Variants in DSCC1 observed in about 807,000 individuals in gnomAD.
DSCC1 encodes the protein DNA replication and sister chromatid cohesion 1.
DSCC1 carries 32 observed loss-of-function variants against 48.2 expected under a neutral mutation model. The ratio of observed to expected loss-of-function variants is 0.66; its 90% CI spans 0.50 to 0.89. The LOEUF (loss-of-function observed/expected upper bound fraction) is 0.89, where lower values mean the gene tolerates loss of function less well. DSCC1 is among the 40% of genes least tolerant of loss of function. The pLI, the probability that DSCC1 is intolerant of heterozygous loss-of-function variation, is 0.00. For synonymous variants in DSCC1, 150 were observed against 171.5 expected, an observed-to-expected ratio of 0.87 and a Z score of 0.98; for missense variants, 421 against 471.7, an observed-to-expected ratio of 0.89 and a Z score of 1.00.
intron 3 of DSCC1, among the ~76,000 whole-genome samples, chr8:119,848,570 A>C (rs2131306732): frequency 6.6e-6 from 1 of 152,364 alleles, no homozygotes; most frequent in Middle Eastern, 3.4e-3. Context: ...GCAGCTTGAA[A>C]GCTTCTACAG....
rs762051075 is a variant in DSCC1 at position 119,841,805 on chromosome 8, C to A, written c.913G>T (p.Asp305Tyr). Residue 305 changes from aspartate to tyrosine, a missense_variant, in exon 7 of 9, where the codon GAT (aspartate) becomes TAT (tyrosine). Asp to Tyr is a radical substitution (Grantham distance 160). Coordinates refer to ENST00000313655, the MANE Select transcript of DSCC1 (RefSeq NM_024094.3). ...SVPEGMVTSL[D>Y]QLKGLALVDR... The stretch of plus-strand genomic sequence containing the variant: ...TCTATTGCTATTACCTTAAGCTGAT[C>A]AAGACTAGTTACCATTCCTTCAGGA... The A allele has an allele frequency of 2.5e-6, 4 of 1,613,692 alleles. No homozygotes were observed. The highest frequency in any genetic ancestry group is 2.5e-6 in the Non-Finnish European group (3 of 1,179,936).
chr8:119,842,982 T>A, intron 5 of DSCC1, among the ~76,000 whole-genome samples, 154 bp from the exon 6 acceptor site: 1 of 152,296 alleles, frequency 6.6e-6, no homozygotes, highest in Middle Eastern at 3.4e-3. Flanking sequence ...AATTAGGAAC[T>A]AAGTAAAATA....
At chr8:119,847,719 G>A (rs1356640784) in intron 3 of DSCC1, among the ~76,000 whole-genome samples, 8 of 147,416 alleles carry the variant, frequency 5.4e-5, no homozygotes, top group Non-Finnish European at 5.9e-5. Flanking sequence ...AGGCTAGAGT[G>A]CAATGGTGCG....
intron 8 of DSCC1, 105 bp from the exon 9 acceptor site, chr8:119,835,106 A>T: frequency 1.3e-6 from 1 of 763,448 alleles, no homozygotes; most frequent in East Asian, 2.9e-5. Flanking sequence ...CTGTCTTCTC[A>T]ACAAGCGTAA....
rs1349554276 is a variant in DSCC1 at position 119,853,131 on chromosome 8, G to C, written c.267C>G (p.Ser89=). 3 of 1,613,956 alleles carry C rather than the reference G, an allele frequency of 1.9e-6. No individual in the cohort carries two copies. The highest frequency in any genetic ancestry group is 2.2e-5 in the South Asian group (2 of 91,076). The change falls in exon 2 of 9, where the codon TCC becomes TCG. Residue 89 remains serine (S), a synonymous_variant. Transcript: ENST00000313655. The part of the protein sequence containing the change: ...KTYDLKIADT[S]NMLLFIPGCK... ...AACCAGGAATGAAAAGCAACATATT[G>C]GAAGTGTCTGCTATCTTCAAGTCGT...
chr8:119,848,858 G>A (rs1826900187), intron 3 of DSCC1, among the ~76,000 whole-genome samples: 1 of 152,118 alleles, frequency 6.6e-6, no homozygotes, highest in Admixed American at 6.5e-5. Context: ...GGGAGGCTGA[G>A]GTGGGCAGAT....
chr8:119,854,040 T>C (rs923164340), intron 1 of DSCC1, among the ~76,000 whole-genome samples: 1 of 152,018 alleles, frequency 6.6e-6, no homozygotes, highest in Non-Finnish European at 1.5e-5. Context: ...CAAGACCCCA[T>C]CACTACAAAA....
At chr8:119,839,931 C>T (rs538856740) in intron 7 of DSCC1, 1 of 152,328 alleles carries the variant, frequency 6.6e-6, no homozygotes, top group East Asian at 1.9e-4. Flanking sequence ...GGCTAAGCCC[C>T]TTTTCTTTGT....
At chr8:119,854,579 G>A (rs918984776) in intron 1 of DSCC1, among the ~76,000 whole-genome samples, 3 of 152,152 alleles carry the variant, frequency 2.0e-5, no homozygotes, top group Admixed American at 2.0e-4. Flanking sequence ...GAAATATTTT[G>A]TTTATACCAT....
chr8:119,844,667 G>C (rs1826825548), intron 4 of DSCC1, among the ~76,000 whole-genome samples: 1 of 151,480 alleles, frequency 6.6e-6, no homozygotes, highest in East Asian at 1.9e-4. Context: ...TCCTGCCTCA[G>C]CCTCCAGAGT....
At chr8:119,837,214 G>C (rs571706287) in intron 8 of DSCC1, among the ~76,000 whole-genome samples, 3 of 152,188 alleles carry the variant, frequency 2.0e-5, no homozygotes, top group Non-Finnish European at 2.9e-5. Flanking sequence ...ATCCAGAAGA[G>C]GGAGACATTA....
At chr8:119,840,939 G>T (rs915840662) in intron 7 of DSCC1, among the ~76,000 whole-genome samples, 5 of 151,438 alleles carry the variant, frequency 3.3e-5, no homozygotes, top group African/African-American at 4.8e-5. Flanking sequence ...TAAATAAAAT[G>T]ATTTAAGCAG....
chr8:119,837,738 G>A (rs1826707207), intron 8 of DSCC1, among the ~76,000 whole-genome samples: 1 of 152,196 alleles, frequency 6.6e-6, no homozygotes, highest in African/African-American at 2.4e-5. Context: ...TAGACAGTAA[G>A]AGCTAAGAAG....
At chr8:119,847,449 A>G (rs1388413268) in intron 3 of DSCC1, among the ~76,000 whole-genome samples, 1 of 152,226 alleles carries the variant, frequency 6.6e-6, no homozygotes, top group Non-Finnish European at 1.5e-5. Context: ...TATTAAGAGC[A>G]GTCAAATTCA....
intron 4 of DSCC1, among the ~76,000 whole-genome samples, chr8:119,845,313 C>T (rs940874201): frequency 2.4e-4 from 36 of 151,894 alleles, no homozygotes; most frequent in African/African-American, 8.5e-4. Context: ...CTCGAACTCC[C>T]GACCTCAGGT....
chr8:119,839,661 G>A (rs1826738659), intron 7 of DSCC1: 1 of 152,134 alleles, frequency 6.6e-6, no homozygotes. Flanking sequence ...TCACTCAGTG[G>A]CCTCAAAGAG....
At position 119,849,140 on chromosome 8, in the gene DSCC1, G is replaced by A. The variant is rs1330537313; in HGVS notation, c.486+1242C>T. The stretch of plus-strand genomic sequence containing the variant: ...GCGGAGCTTGCAGTGAGCCGAGATC[G>A]CGCCACTGCACTCCAGCCTGGGCGA... On this transcript the variant is annotated intron_variant, in intron 3 of 8. Coordinates refer to ENST00000313655, the MANE Select transcript of DSCC1 (RefSeq NM_024094.3). Among the ~76,000 whole-genome samples, 7 of 136,038 alleles carry A rather than the reference G, an allele frequency of 5.1e-5. No homozygotes were observed. The East Asian group carries it at 7.2e-4, about 14-fold the overall frequency. 89.2% of individuals were successfully genotyped at this position (136,038 alleles called of 152,430 possible).
In DSCC1 at chr8:119,834,558, G is replaced by C; in HGVS notation, c.*335C>G. 4.7e-6 allele frequency: 1 copy of C among 212,812 alleles called. No homozygotes were observed. Among genetic ancestry groups the C allele is most frequent in the South Asian group, 7.1e-5 (1 of 14,126 alleles). 13.2% of individuals were successfully genotyped at this position (212,812 alleles called of 1,614,324 possible). ...CTATTTAGTTCTCTGGAAAACTTAA[G>C]TGTATTAATGATTAGAACATCAAAT... On this transcript the variant is annotated 3_prime_UTR_variant, in exon 9 of 9. Coordinates refer to ENST00000313655, the MANE Select transcript of DSCC1 (RefSeq NM_024094.3).
chr8:119,855,159 G>A (rs564211348), intron 1 of DSCC1, among the ~76,000 whole-genome samples: 9 of 152,324 alleles, frequency 5.9e-5, no homozygotes, highest in Non-Finnish European at 1.0e-4. Flanking sequence ...TTGCTTCGGG[G>A]TGGGTAGGGG....
Sources: gnomAD v4.1 joint callset for allele counts (sites outside exome capture counted in the v4.1 genomes callset) on GRCh38, gnomAD v4.1.1 for gene constraint, MANE v1.5 for transcripts, NCBI Gene and HGNC (gene_info 2026-07-23, HGNC 2026-07-21) for gene names.